Variants in CDH23 observed in about 807,000 individuals in gnomAD.
The protein encoded by CDH23 is cadherin-23.
Under a neutral mutation model 317.1 loss-of-function variants are expected in CDH23, and 189 were observed. The observed-to-expected ratio is 0.60, with a 90% CI of 0.53 to 0.67. The LOEUF (loss-of-function observed/expected upper bound fraction) is 0.67. Ranked by LOEUF, CDH23 falls within the 30% of genes least tolerant of loss-of-function variation. The probability of loss-of-function intolerance (pLI) is 0.00; values close to 1 mark genes in which losing one functional copy is unlikely to be tolerated. For synonymous variants in CDH23, 1,839 were observed against 1,876.8 expected (o/e 0.98, Z 0.52); for missense variants, 4,401 against 4,592.4 (o/e 0.96, Z 1.20).
intron 14 of CDH23, among the ~76,000 whole-genome samples, chr10:71,666,336 T>C (rs777215962): frequency 4.6e-5 from 7 of 150,590 alleles, no homozygotes; most frequent in Non-Finnish European, 1.0e-4. Context: ...CCTGGTACCA[T>C]TGCCAACCCA....
chr10:71,656,849 G>T (rs760626700), intron 14 of CDH23, among the ~76,000 whole-genome samples: 1 of 152,130 alleles, frequency 6.6e-6, no homozygotes, highest in African/African-American at 2.4e-5. Context: ...GGAGCCCATC[G>T]TGGGTAGCAA....
At chr10:71,543,105 G>A (rs1330034394) in intron 6 of CDH23, among the ~76,000 whole-genome samples, 2 of 152,204 alleles carry the variant, frequency 1.3e-5, no homozygotes, top group East Asian at 3.9e-4. Flanking sequence ...ACAGACTTAT[G>A]AGACGCTGTT....
chr10:71,656,954 G>T (rs1234271819), intron 14 of CDH23, among the ~76,000 whole-genome samples: 2 of 152,184 alleles, frequency 1.3e-5, no homozygotes, highest in Admixed American at 1.3e-4. Context: ...GGAAGCTGGA[G>T]ACCTGCCCTG....
At position 71,701,752 on chromosome 10, in the gene CDH23, C is replaced by CA. The variant is rs113488902; in HGVS notation, c.2398-269dup. ...AGGGAGGGTTTGATGAGGAGGAACCCAGTCTCCAAAATCCAGGGTTTCAAA... is the reference window on the plus strand; with the variant it reads ...AGGGAGGGTTTGATGAGGAGGAACCCAAGTCTCCAAAATCCAGGGTTTCAAA... On this transcript the variant is annotated intron_variant, in intron 22 of 69. Coordinates refer to ENST00000224721, the MANE Select transcript of CDH23 (RefSeq NM_022124.6). Among the ~76,000 whole-genome samples, 9,225 of 152,114 alleles carry CA rather than the reference C, an allele frequency of 0.061. 678 individuals carry two copies. The highest frequency in any genetic ancestry group is 0.19 in the East Asian group (985 of 5,172).
intron 37 of CDH23, 133 bp downstream of exon 37, chr10:71,741,083 C>T: frequency 9.7e-7 from 1 of 1,029,488 alleles, no homozygotes; most frequent in South Asian, 1.4e-5. Context: ...AACTGTGGCT[C>T]ATTCGTAGTG....
intron 38 of CDH23, among the ~76,000 whole-genome samples, chr10:71,759,846 C>CACACACACACACACAT (rs776230069): frequency 0.06 from 3,574 of 59,716 alleles, 392 homozygotes; most frequent in Non-Finnish European, 0.087. Flanking sequence ...CACACACACA[C>CACACACACACACACAT]ATATACACAC....
chr10:71,631,159 G>T (rs970898671), intron 11 of CDH23, among the ~76,000 whole-genome samples: 1 of 152,150 alleles, frequency 6.6e-6, no homozygotes, highest in Non-Finnish European at 1.5e-5. Context: ...CAGCAGGATC[G>T]CTTCAGCCCG....
In CDH23 at chr10:71,665,082, T is replaced by C. The variant is rs527257554; in HGVS notation, c.1450-10030T>C. On this transcript the variant is annotated intron_variant, in intron 14 of 69. Coordinates refer to ENST00000224721, the MANE Select transcript of CDH23 (RefSeq NM_022124.6). Reference sequence around the variant, plus strand: ...ATATTTGTTAAGGGCTTCCTGTGTGTCAGGCACTGGATGGGTGCTGGGGAT... The same window carrying C: ...ATATTTGTTAAGGGCTTCCTGTGTGCCAGGCACTGGATGGGTGCTGGGGAT... Among the ~76,000 whole-genome samples, 30 of 152,354 alleles carry C rather than the reference T, an allele frequency of 2.0e-4. No individual in the cohort carries two copies. In the South Asian group the frequency reaches 6.0e-3, roughly 31 times the overall value.
At chr10:71,699,429 C>A (rs1865506720) in intron 22 of CDH23, among the ~76,000 whole-genome samples, 1 of 152,360 alleles carries the variant, frequency 6.6e-6, no homozygotes, top group South Asian at 2.1e-4. Flanking sequence ...CAAGTGTCTT[C>A]CCACATGTGG....
chr10:71,439,958 G>A, intron 2 of CDH23, 60 bp downstream of exon 2: 1 of 1,327,520 alleles, frequency 7.5e-7, no homozygotes, highest in South Asian at 1.3e-5. Flanking sequence ...AGGCCAGGCT[G>A]GAGGGTGTTG....
chr10:71,560,105 G>C (rs925253196), intron 6 of CDH23, among the ~76,000 whole-genome samples: 1 of 152,088 alleles, frequency 6.6e-6, no homozygotes, highest in East Asian at 1.9e-4. Context: ...CTCCATCACT[G>C]CTCCCCCATA....
chr10:71,432,584 T>C (rs1197542988), intron 1 of CDH23, among the ~76,000 whole-genome samples: 2 of 152,126 alleles, frequency 1.3e-5, no homozygotes, highest in East Asian at 3.9e-4. Context: ...TTTCACACTG[T>C]TGGTCCTCAC....
At chr10:71,667,359 A>AGAGTGTGTGTGT (rs58361666) in intron 14 of CDH23, among the ~76,000 whole-genome samples, 12 of 112,080 alleles carry the variant, frequency 1.1e-4, no homozygotes, top group Admixed American at 2.6e-4. Flanking sequence ...AGAGAGAGAG[A>AGAGTGTGTGTGT]GTGTGTGTGT....
chr10:71,474,474 A>T (rs1033649566), intron 3 of CDH23, among the ~76,000 whole-genome samples: 15 of 152,296 alleles, frequency 9.8e-5, no homozygotes, highest in African/African-American at 3.4e-4. Flanking sequence ...AACATTTGGC[A>T]GCAAACAGCG....
intron 3 of CDH23, among the ~76,000 whole-genome samples, chr10:71,466,335 T>C (rs1485414288): frequency 6.6e-6 from 1 of 152,132 alleles, no homozygotes; most frequent in East Asian, 1.9e-4. Context: ...TGAGCATGCA[T>C]GTGTGTATGT....
intron 8 of CDH23, among the ~76,000 whole-genome samples, chr10:71,571,388 G>A (rs989794138): frequency 3.3e-5 from 5 of 152,198 alleles, no homozygotes; most frequent in East Asian, 1.9e-4. Context: ...TCTTCCCTGC[G>A]AGCTTGCAGC....
intron 64 of CDH23, 33 bp from the exon 65 acceptor site, chr10:71,811,680 C>A: frequency 6.2e-7 from 1 of 1,613,296 alleles, no homozygotes; most frequent in Non-Finnish European, 8.5e-7. Flanking sequence ...TCAGCTTGGC[C>A]CCCCTCACCA....
chr10:71,584,711 C>T (rs1858924667), intron 9 of CDH23, among the ~76,000 whole-genome samples: 1 of 152,218 alleles, frequency 6.6e-6, no homozygotes, highest in African/African-American at 2.4e-5. Context: ...CGAAACACTT[C>T]AAAGCCCTTG....
Position 71,727,639 on chromosome 10 carries a change from T to G in CDH23, c.3579+2119T>G, listed in dbSNP as rs536599794. Among the ~76,000 whole-genome samples, 34 of 151,986 alleles carry G rather than the reference T, an allele frequency of 2.2e-4. No individual in the cohort carries two copies. In the South Asian group the frequency reaches 4.0e-3, roughly 18 times the overall value. On this transcript the variant is annotated intron_variant, in intron 30 of 69. Coordinates refer to ENST00000224721, the MANE Select transcript of CDH23 (RefSeq NM_022124.6). ...TGAGACAGTCCCCTTAGAGACTGGG[T>G]GTCTCAGGGTGTTCACGACACATAC...
Sources: gnomAD v4.1 joint callset for allele counts (sites outside exome capture counted in the v4.1 genomes callset) on GRCh38, gnomAD v4.1.1 for gene constraint, MANE v1.5 for transcripts, NCBI Gene and HGNC (gene_info 2026-07-23, HGNC 2026-07-21) for gene names.